CIB4: variants seen among roughly 807,000 people sequenced by gnomAD.
The protein encoded by CIB4 is calcium and integrin-binding family member 4.
CIB4 carries 25 observed loss-of-function variants against 25.8 expected under a neutral mutation model. The observed-to-expected ratio is 0.97, with a 90% confidence interval of 0.71 to 1.35. The LOEUF (loss-of-function observed/expected upper bound fraction) is 1.35, where lower values mean the gene tolerates loss of function less well. CIB4 is among the 40% of genes most tolerant of loss of function. The pLI, the probability that CIB4 is intolerant of heterozygous loss-of-function variation, is 0.00. For missense variants in CIB4, 235 were observed against 228.2 expected (o/e 1.03, Z -0.19); for synonymous variants, 75 against 81.4 (o/e 0.92, Z 0.42).
chr2:26,608,895 C>T (rs1222761465), intron 3 of CIB4, among the ~76,000 whole-genome samples: 1 of 152,188 alleles, frequency 6.6e-6, no homozygotes, highest in Non-Finnish European at 1.5e-5. Context: ...CTCTTGCTCT[C>T]TCGTCGCTCA....
chr2:26,614,338 T>A (rs2148212729), intron 3 of CIB4, among the ~76,000 whole-genome samples: 1 of 152,272 alleles, frequency 6.6e-6, no homozygotes, highest in African/African-American at 2.4e-5. Context: ...AGGGACTGGA[T>A]GAGCATGTCC....
chr2:26,601,228 AAAAATATAT>A (rs1225896124), intron 3 of CIB4, among the ~76,000 whole-genome samples: 825 of 79,736 alleles, frequency 0.01, 45 homozygotes, highest in African/African-American at 0.019. Context: ...AAAAAAAAAA[AAAAATATAT>A]ATATATATAT....
At chr2:26,626,224 C>T (rs891250304) in intron 3 of CIB4, among the ~76,000 whole-genome samples, 1 of 152,202 alleles carries the variant, frequency 6.6e-6, no homozygotes, top group Non-Finnish European at 1.5e-5. Context: ...TGCCGAAGAT[C>T]ATGTGGCTAG....
At chr2:26,601,232 ATATATATAT>A (rs1199293684) in intron 3 of CIB4, among the ~76,000 whole-genome samples, 1,020 of 45,356 alleles carry the variant, frequency 0.022, 85 homozygotes, top group African/African-American at 0.089. Context: ...AAAAAAAAAA[ATATATATAT>A]ATATATATAT....
chr2:26,628,618 G>C (rs1216377086), intron 3 of CIB4, among the ~76,000 whole-genome samples: 2 of 152,222 alleles, frequency 1.3e-5, no homozygotes, highest in Non-Finnish European at 2.9e-5. Context: ...AGGGCGAGTT[G>C]AGGAGAGAGA....
intron 2 of CIB4, among the ~76,000 whole-genome samples, chr2:26,638,265 C>T (rs73920327): frequency 0.014 from 2,090 of 152,278 alleles, 44 homozygotes; most frequent in African/African-American, 0.047. Flanking sequence ...TGCTCTTCTC[C>T]GGGGAAAGGC....
At chr2:26,596,275 G>A (rs1433636177) in intron 3 of CIB4, among the ~76,000 whole-genome samples, 2 of 152,150 alleles carry the variant, frequency 1.3e-5, no homozygotes, top group East Asian at 1.9e-4. Context: ...CGAGGGGGGT[G>A]GCTGCTCCAG....
chr2:26,583,061 C>T lies in CIB4; in HGVS notation c.439-148G>A, dbSNP rs1393800424. On this transcript the variant is annotated intron_variant, in intron 5 of 6. Transcript: ENST00000288861. Reference sequence around the variant, plus strand: ...GGGTCCCCTGACCCCAGTGACCCCACAGAGATTAGGTTATGTGCACCAAAG... The same window carrying T: ...GGGTCCCCTGACCCCAGTGACCCCATAGAGATTAGGTTATGTGCACCAAAG... 2.5e-5 allele frequency: 15 copies of T among 602,890 alleles called. No individual in the cohort carries two copies. In the Admixed American group the frequency reaches 4.1e-4, roughly 16 times the overall value. 37.3% of individuals were successfully genotyped at this position (602,890 alleles called of 1,614,324 possible).
At chr2:26,623,122 T>C (rs1026406518) in intron 3 of CIB4, among the ~76,000 whole-genome samples, 6 of 152,084 alleles carry the variant, frequency 3.9e-5, no homozygotes, top group Admixed American at 1.3e-4. Flanking sequence ...GGCAGGAGAA[T>C]TGCTTAAACC....
At position 26,614,119 on chromosome 2, in the gene CIB4, G is replaced by T. The variant is rs569632448; in HGVS notation, c.186+15291C>A. 9.8e-5 allele frequency among the ~76,000 whole-genome samples: 15 copies of T among 152,364 alleles called. No individual in the cohort carries two copies. The South Asian group carries it at 3.1e-3, about 32-fold the overall frequency. The stretch of plus-strand genomic sequence containing the variant: ...CACCTCATTAGGAGGCCCGAAGAGG[G>T]GAGGGGGTACTTCAGGAACGATATT... On this transcript the variant is annotated intron_variant, in intron 3 of 6. Coordinates refer to ENST00000288861, the MANE Select transcript of CIB4 (RefSeq NM_001029881.3).
intron 4 of CIB4, among the ~76,000 whole-genome samples, chr2:26,589,030 T>TTCTTCTTCTTCCTCTTCC (rs1668516213): frequency 2.7e-5 from 1 of 37,720 alleles, no homozygotes; most frequent in African/African-American, 1.1e-4. Context: ...CTTCTTCTTC[T>TTCTTCTTCTTCCTCTTCC]TCTTCTTCTT....
intron 4 of CIB4, among the ~76,000 whole-genome samples, chr2:26,585,942 T>G (rs1043690758): frequency 6.6e-6 from 1 of 151,944 alleles, no homozygotes; most frequent in South Asian, 2.1e-4. Context: ...TCAGGACTCT[T>G]CCAGCCACTC....
At chr2:26,582,221 C>T (rs933952536) in intron 6 of CIB4, among the ~76,000 whole-genome samples, 7 of 152,296 alleles carry the variant, frequency 4.6e-5, no homozygotes, top group South Asian at 2.1e-4. Context: ...GAGCAGGAGA[C>T]GCCAGCTCCA....
chr2:26,584,860 G>A (rs986031196), intron 4 of CIB4, among the ~76,000 whole-genome samples: 2 of 152,122 alleles, frequency 1.3e-5, no homozygotes, highest in Non-Finnish European at 2.9e-5. Context: ...GACTTCTGGG[G>A]GCCGCACTGA....
chr2:26,626,826 G>A (rs1229049160), intron 3 of CIB4, among the ~76,000 whole-genome samples: 1 of 152,070 alleles, frequency 6.6e-6, no homozygotes, highest in African/African-American at 2.4e-5. Context: ...AAGCCTTGCT[G>A]CACCCCACCC....
intron 2 of CIB4, among the ~76,000 whole-genome samples, chr2:26,631,349 C>T (rs1669417070): frequency 6.6e-6 from 1 of 152,164 alleles, no homozygotes; most frequent in African/African-American, 2.4e-5. Flanking sequence ...CTGGCACGCA[C>T]CTATAGTCTA....
chr2:26,627,885 G>T lies in CIB4; in HGVS notation c.186+1525C>A, dbSNP rs186623113. Reference sequence around the variant, plus strand: ...TACAGATAGGCCTGTCACTTAGGAGGGGCCGTGCAGCCGTGGCTTGAATGA... The same window carrying T: ...TACAGATAGGCCTGTCACTTAGGAGTGGCCGTGCAGCCGTGGCTTGAATGA... On this transcript the variant is annotated intron_variant, in intron 3 of 6. Transcript: ENST00000288861. The surrounding 1 kb of genome is among the most constrained non-coding windows in gnomAD (Gnocchi z 4.0). Among the ~76,000 whole-genome samples, 246 of 152,188 alleles carry T rather than the reference G, an allele frequency of 1.6e-3. No individual in the cohort carries two copies. Among genetic ancestry groups the T allele is most frequent in the African/African-American group, 5.7e-3 (238 of 41,510 alleles).
chr2:26,613,140 C>G (rs568366888), intron 3 of CIB4, among the ~76,000 whole-genome samples: 3 of 152,108 alleles, frequency 2.0e-5, no homozygotes, highest in African/African-American at 7.2e-5. Flanking sequence ...TTTTTCCCAC[C>G]GGAGCCTGAT....
chr2:26,613,844 G>A (rs938753906), intron 3 of CIB4, among the ~76,000 whole-genome samples: 1 of 152,242 alleles, frequency 6.6e-6, no homozygotes, highest in African/African-American at 2.4e-5. Flanking sequence ...TCGGGCCTGT[G>A]CGGGGCCTGT....
Sources: gnomAD v4.1 joint callset for allele counts (sites outside exome capture counted in the v4.1 genomes callset) on GRCh38, gnomAD v4.1.1 for gene constraint, Gnocchi (gnomAD v3.1) non-coding constraint, MANE v1.5 for transcripts, NCBI Gene and HGNC (gene_info 2026-07-23, HGNC 2026-07-21) for gene names.